Variants in TBC1D16 observed in about 807,000 individuals in gnomAD.
TBC1D16 encodes the protein CTD-2529O21.1.
TBC1D16 carries 58 observed loss-of-function variants against 74.7 expected under a neutral mutation model. The observed-to-expected ratio is 0.78, with a 90% CI of 0.63 to 0.97. The LOEUF (loss-of-function observed/expected upper bound fraction) is 0.97, where lower values mean the gene tolerates loss of function less well. TBC1D16 is among the 50% of genes least tolerant of loss of function. The pLI, the probability that TBC1D16 is intolerant of heterozygous loss-of-function variation, is 0.00. For missense variants in TBC1D16, 1,014 were observed against 1,079.5 expected (o/e 0.94, Z 0.85); for synonymous variants, 493 against 474.7 (o/e 1.04, Z -0.50).
At chr17:80,028,765 C>T (rs1377965014) in intron 1 of TBC1D16, among the ~76,000 whole-genome samples, 1 of 151,152 alleles carries the variant, frequency 6.6e-6, no homozygotes, top group African/African-American at 2.5e-5. Flanking sequence ...CGCGCGCCAC[C>T]ACACCCAGCT....
chr17:79,942,289 C>G (rs553761658), intron 10 of TBC1D16, 83 bp from the exon 11 acceptor site: 5 of 1,419,132 alleles, frequency 3.5e-6, no homozygotes, highest in African/African-American at 1.4e-5. Flanking sequence ...TGCCAGGGTG[C>G]GAGTGAGGGC....
intron 3 of TBC1D16, among the ~76,000 whole-genome samples, chr17:80,003,060 G>T (rs2035551131): frequency 6.6e-6 from 1 of 152,254 alleles, no homozygotes; most frequent in Non-Finnish European, 1.5e-5. Context: ...GGGCAGCAAG[G>T]TGGGAAGCGG....
At chr17:80,033,634 T>C (rs1450244749) in intron 1 of TBC1D16, among the ~76,000 whole-genome samples, 2 of 152,210 alleles carry the variant, frequency 1.3e-5, no homozygotes, top group Non-Finnish European at 2.9e-5. Flanking sequence ...TACAGGATTA[T>C]AGGTGTGAGC....
rs571352612 is a variant in TBC1D16 at position 80,028,880 on chromosome 17, G to A, written c.-63+6915C>T. Among the ~76,000 whole-genome samples, 46 of 152,138 alleles carry A rather than the reference G, an allele frequency of 3.0e-4. No homozygotes were observed. The South Asian group carries it at 8.5e-3, about 28-fold the overall frequency. On this transcript the variant is annotated intron_variant, in intron 1 of 11. Coordinates refer to ENST00000310924, the MANE Select transcript of TBC1D16 (RefSeq NM_019020.4). ...GCCTACCTCGACCTCCCAAAGCGCC[G>A]GGATTACACGCGTGAGCCACCGCCC...
Position 79,950,282 on chromosome 17 carries a change from C to CG in TBC1D16, c.1257+128dup. The CG allele has an allele frequency of 9.8e-7, 1 of 1,020,794 alleles. No individual in the cohort carries two copies. Among genetic ancestry groups the CG allele is most frequent in the Non-Finnish European group, 1.4e-6 (1 of 724,908 alleles). 63.2% of individuals were successfully genotyped at this position (1,020,794 alleles called of 1,614,324 possible). ...TCACAGAGAGCCTCACACAAGAAAA[C>CG]GGGGCCCTCACGAGGAGGTGGCCCG... On this transcript the variant is annotated intron_variant, in intron 6 of 11. Transcript: ENST00000310924. The surrounding 1 kb of genome is among the most constrained non-coding windows in gnomAD (Gnocchi z 4.6).
Position 79,944,835 on chromosome 17 carries a change from G to T in TBC1D16, c.1908+73C>A. ...GGGGGCGGCGAGGCGGACAGGGGCA[G>T]CAGGCAGGGTGGCCACGGTGGTTCA... On this transcript the variant is annotated intron_variant, in intron 10 of 11. Coordinates refer to ENST00000310924, the MANE Select transcript of TBC1D16 (RefSeq NM_019020.4). The surrounding 1 kb of genome is among the most constrained non-coding windows in gnomAD (Gnocchi z 7.7). 1 of 1,358,222 alleles carries T rather than the reference G, an allele frequency of 7.4e-7. No homozygotes were observed. Among genetic ancestry groups the T allele is most frequent in the South Asian group, 1.4e-5 (1 of 70,396 alleles). 84.1% of individuals were successfully genotyped at this position (1,358,222 alleles called of 1,614,324 possible). A position where few individuals can be genotyped will look rare whatever the true frequency, so the allele number is the denominator to read the frequency against.
chr17:79,944,017 G>A lies in TBC1D16; in HGVS notation c.1908+891C>T, dbSNP rs2032279300. On this transcript the variant is annotated intron_variant, in intron 10 of 11. Transcript: ENST00000310924. The surrounding 1 kb of genome is among the most constrained non-coding windows in gnomAD (Gnocchi z 7.7). Reference sequence around the variant, plus strand: ...GAGCCAGGAGGGAAACCTAGACCCGGGCCAGGGGCGAGCCGATGACCGCAT... The same window carrying A: ...GAGCCAGGAGGGAAACCTAGACCCGAGCCAGGGGCGAGCCGATGACCGCAT... 3.3e-6 allele frequency: 5 copies of A among 1,534,864 alleles called. No individual in the cohort carries two copies. Among genetic ancestry groups the A allele is most frequent in the Non-Finnish European group, 2.6e-6 (3 of 1,146,192 alleles).
chr17:79,944,915 T>C lies in TBC1D16; in HGVS notation c.1901A>G (p.His634Arg). 3 of 1,550,306 alleles carry C rather than the reference T, an allele frequency of 1.9e-6. No individual in the cohort carries two copies. Among genetic ancestry groups the C allele is most frequent in the South Asian group, 1.2e-5 (1 of 83,996 alleles). ...GGCCCCTGCCCTGGTCACCTGGTAGTGGGCCCAGCAGGCCTCCCAGATCCG... is the reference window on the plus strand; with the variant it reads ...GGCCCCTGCCCTGGTCACCTGGTAGCGGGCCCAGCAGGCCTCCCAGATCCG... Reference protein sequence around the residue: ...ALRIWEACWAHYQTDYFHLFI... With the variant: ...ALRIWEACWARYQTDYFHLFI... Residue 634 changes from histidine (H) to arginine (R), a missense_variant, in exon 10 of 12, where the codon CAC becomes CGC. His to Arg is a conservative substitution (Grantham distance 29). Transcript: ENST00000310924. The surrounding 1 kb of genome is among the most constrained non-coding windows in gnomAD (Gnocchi z 7.7).
Position 80,010,595 on chromosome 17 carries a change from C to T in TBC1D16, c.344G>A (p.Arg115His), listed in dbSNP as rs141388472. The T allele has an allele frequency of 2.5e-5, 40 of 1,588,214 alleles. No homozygotes were observed. The African/African-American group carries it at 4.7e-4, about 19-fold the overall frequency. Residue 115 changes from arginine (R) to histidine (H), a missense_variant, in exon 3 of 12, where the codon CGC becomes CAC. Coordinates refer to ENST00000310924, the MANE Select transcript of TBC1D16 (RefSeq NM_019020.4). This position sits in a 1 kb window ranked among gnomAD's most constrained non-coding sequence, Gnocchi z 8.8. ...GTGGGAGGCTCCTGAGCTCCGGGTG[C>T]GCCGGCCCCGAGGGCGGGGTGCCTT... ...VRKAPRPRGR[R>H]TRSSGASHQP...
At chr17:80,025,975 C>G (rs1469808932) in intron 1 of TBC1D16, 1 of 149,996 alleles carries the variant, frequency 6.7e-6, no homozygotes, top group Non-Finnish European at 1.5e-5. Flanking sequence ...CTGCTCTAAA[C>G]AATGAAGTCC....
intron 1 of TBC1D16, among the ~76,000 whole-genome samples, chr17:80,014,908 G>T (rs1439946513): frequency 6.6e-6 from 1 of 152,168 alleles, no homozygotes; most frequent in Admixed American, 6.5e-5. Context: ...AGACGACCTG[G>T]GACGTATGAA....
At chr17:80,025,598 T>TC (rs1309604346) in intron 1 of TBC1D16, among the ~76,000 whole-genome samples, 2 of 124,644 alleles carry the variant, frequency 1.6e-5, no homozygotes, top group East Asian at 4.8e-4. Flanking sequence ...TGGGAGCACC[T>TC]CCTTGCTGGA....
At chr17:79,958,454 G>A (rs1463806135) in intron 3 of TBC1D16, among the ~76,000 whole-genome samples, 1 of 152,184 alleles carries the variant, frequency 6.6e-6, no homozygotes, top group Non-Finnish European at 1.5e-5. Context: ...TCCTGACCTC[G>A]TGATCCGCCT....
rs916711412 is a variant in TBC1D16 at position 79,975,563 on chromosome 17, C to T, written c.780-22745G>A. ...CCTCTGGAGACCCAGCTCCTGATTT[C>T]AAAGGATCAACGAGTGACAGAGGGT... On this transcript the variant is annotated intron_variant, in intron 3 of 11. Coordinates refer to ENST00000310924, the MANE Select transcript of TBC1D16 (RefSeq NM_019020.4). The surrounding 1 kb of genome is among the most constrained non-coding windows in gnomAD (Gnocchi z 4.5). Among the ~76,000 whole-genome samples the T allele has an allele frequency of 6.6e-6, 1 of 152,176 alleles. No individual in the cohort carries two copies. Among genetic ancestry groups the T allele is most frequent in the Non-Finnish European group, 1.5e-5 (1 of 68,020 alleles).
Position 79,935,849 on chromosome 17 carries a change from TA to T in TBC1D16, c.*5009del, listed in dbSNP as rs1306223321. The T allele has an allele frequency of 1.3e-5, 2 of 152,334 alleles. No homozygotes were observed. Among genetic ancestry groups the T allele is most frequent in the South Asian group, 4.1e-4 (2 of 4,832 alleles). 9.4% of individuals were successfully genotyped at this position (152,334 alleles called of 1,614,324 possible). On this transcript the variant is annotated 3_prime_UTR_variant, in exon 12 of 12. Transcript: ENST00000310924. ...GTGGAAATTTCATGAAAATTTCCCCTAAACCATAACAAAAACTGTCCTCCTT... is the reference window on the plus strand; with the variant it reads ...GTGGAAATTTCATGAAAATTTCCCCTAACCATAACAAAAACTGTCCTCCTT...
At position 80,007,041 on chromosome 17, in the gene TBC1D16, A is replaced by G. The variant is rs1330955781; in HGVS notation, c.779+3119T>C. Among the ~76,000 whole-genome samples, 1 of 152,210 alleles carries G rather than the reference A, an allele frequency of 6.6e-6. No homozygotes were observed. The highest frequency in any genetic ancestry group is 1.5e-5 in the Non-Finnish European group (1 of 68,024). On this transcript the variant is annotated intron_variant, in intron 3 of 11. Coordinates refer to ENST00000310924, the MANE Select transcript of TBC1D16 (RefSeq NM_019020.4). The surrounding 1 kb of genome is among the most constrained non-coding windows in gnomAD (Gnocchi z 4.5). ...CAGGCTGTTTTCACTCCAGCCTTGC[A>G]CTGAAGCACACGCTTCTGGCGGGGT... is the stretch of plus-strand genomic sequence containing the variant.
chr17:79,984,604 AGAG>A (rs2034743306), intron 3 of TBC1D16, among the ~76,000 whole-genome samples: 1 of 80,336 alleles, frequency 1.2e-5, no homozygotes, highest in Admixed American at 1.6e-4. Flanking sequence ...GAGAAAGAAA[AGAG>A]GGAGGGAGGG....
chr17:79,997,312 G>C (rs1040986035), intron 3 of TBC1D16, among the ~76,000 whole-genome samples: 2 of 152,044 alleles, frequency 1.3e-5, no homozygotes, highest in South Asian at 2.1e-4. Flanking sequence ...ATGTCACCAT[G>C]GGGGGAAGTG....
Position 79,998,966 on chromosome 17 carries a change from G to A in TBC1D16, c.779+11194C>T, listed in dbSNP as rs190502338. ...CCACTTTCAGTATCCTTAATAAAACGTGAATGGGGCTGGGCGCGGTGGCTC... is the reference window on the plus strand; with the variant it reads ...CCACTTTCAGTATCCTTAATAAAACATGAATGGGGCTGGGCGCGGTGGCTC... On this transcript the variant is annotated intron_variant, in intron 3 of 11. Transcript: ENST00000310924. Among the ~76,000 whole-genome samples, 457 of 152,184 alleles carry A rather than the reference G, an allele frequency of 3.0e-3. 4 individuals are homozygous for A. The highest frequency in any genetic ancestry group is 0.01 in the African/African-American group (421 of 41,526).
Sources: allele counts gnomAD v4.1 joint callset (sites outside exome capture counted in the v4.1 genomes callset), GRCh38; gene constraint gnomAD v4.1.1; non-coding constraint Gnocchi (gnomAD v3.1); transcripts MANE v1.5; gene names NCBI Gene and HGNC (gene_info 2026-07-23, HGNC 2026-07-21).